The following CNTN5 variants were observed in gnomAD, a reference collection of about 807,000 sequenced individuals.
The protein encoded by CNTN5 is contactin 5.
In CNTN5, 77 loss-of-function variants were observed where a neutral mutation model predicts 129.1. That is an observed-to-expected ratio of 0.60 (90% CI 0.50 to 0.72). The LOEUF (loss-of-function observed/expected upper bound fraction) is 0.72, where lower values mean the gene tolerates loss of function less well. Ranked by LOEUF, CNTN5 falls within the 30% of genes least tolerant of loss-of-function variation. The pLI is 0.00. For missense variants in CNTN5, 1,478 were observed against 1,328.8 expected (o/e 1.11, Z -1.75); for synonymous variants, 509 against 465.6 (o/e 1.09, Z -1.20).
intron 15 of CNTN5, among the ~76,000 whole-genome samples, chr11:100,216,872 C>G (rs10501956): frequency 0.1 from 15,623 of 152,048 alleles, 1,061 homozygotes; most frequent in Non-Finnish European, 0.15. Flanking sequence ...CCTATAGGTT[C>G]AAGCAAAACA....
chr11:99,259,424 C>A (rs1862528594), intron 1 of CNTN5, among the ~76,000 whole-genome samples: 1 of 151,806 alleles, frequency 6.6e-6, no homozygotes, highest in Non-Finnish European at 1.5e-5. Context: ...ATACTAAATA[C>A]AATTTACTTG....
At chr11:99,452,860 T>A (rs372269616) in intron 2 of CNTN5, among the ~76,000 whole-genome samples, 146 of 152,318 alleles carry the variant, frequency 9.6e-4, no homozygotes, top group African/African-American at 3.3e-3. Flanking sequence ...TTATGCCAGG[T>A]AGCATAGCTA....
chr11:99,511,718 T>C (rs144005941), intron 2 of CNTN5, among the ~76,000 whole-genome samples: 9,884 of 151,952 alleles, frequency 0.065, 354 homozygotes, highest in African/African-American at 0.097. Flanking sequence ...TTTATGAATC[T>C]GGGTACTCCT....
chr11:99,991,620 C>T (rs1939103829), intron 8 of CNTN5, among the ~76,000 whole-genome samples: 1 of 152,140 alleles, frequency 6.6e-6, no homozygotes, highest in Admixed American at 6.6e-5. Flanking sequence ...TGACATGCAA[C>T]CAACACTGTT....
intron 3 of CNTN5, among the ~76,000 whole-genome samples, chr11:99,632,137 C>A (rs917100302): frequency 1.3e-5 from 2 of 151,474 alleles, no homozygotes; most frequent in Admixed American, 1.3e-4. Context: ...ATCTGAAATA[C>A]AAACTAAGAT....
intron 2 of CNTN5, among the ~76,000 whole-genome samples, chr11:99,428,772 G>A (rs1337762545): frequency 6.6e-6 from 1 of 151,808 alleles, no homozygotes; most frequent in African/African-American, 2.4e-5. Flanking sequence ...TAGAAAAACT[G>A]CAGTATTAGA....
chr11:99,609,811 C>G (rs570003244), intron 3 of CNTN5, among the ~76,000 whole-genome samples: 1 of 152,208 alleles, frequency 6.6e-6, no homozygotes, highest in East Asian at 1.9e-4. Context: ...AGTGCTCTGG[C>G]TCAACTGTTT....
intron 13 of CNTN5, among the ~76,000 whole-genome samples, chr11:100,139,588 G>A (rs1310626003): frequency 2.0e-5 from 3 of 152,178 alleles, no homozygotes; most frequent in Non-Finnish European, 4.4e-5. Flanking sequence ...TAATGGCCAG[G>A]TGTGGTGGCT....
intron 9 of CNTN5, among the ~76,000 whole-genome samples, chr11:100,019,327 G>A (rs1224897755): frequency 6.6e-6 from 1 of 151,850 alleles, no homozygotes; most frequent in Admixed American, 6.6e-5. Context: ...GTATGATACA[G>A]GTATGGATCA....
In CNTN5 at chr11:99,051,603, G is replaced by A. The variant is rs75416469; in HGVS notation, c.-210+30333G>A. On this transcript the variant is annotated intron_variant, in intron 1 of 24. Coordinates refer to ENST00000524871, the MANE Select transcript of CNTN5 (RefSeq NM_014361.4). ...GTATTGATTACCCACTGCGTTGAGA[G>A]CATTGTACTGTGTATTGTAAGGAAA... Among the ~76,000 whole-genome samples, 127 of 151,964 alleles carry A rather than the reference G, an allele frequency of 8.4e-4. 5 individuals are homozygous for A. In the East Asian group the frequency reaches 0.022, roughly 27 times the overall value.
At chr11:99,033,980 C>T (rs541925521) in intron 1 of CNTN5, among the ~76,000 whole-genome samples, 8 of 151,628 alleles carry the variant, frequency 5.3e-5, no homozygotes, top group African/African-American at 9.7e-5. Context: ...TAGCATGAAG[C>T]GTTGTTGAAT....
At chr11:100,086,831 C>A (rs1184164786) in intron 13 of CNTN5, among the ~76,000 whole-genome samples, 1 of 151,044 alleles carries the variant, frequency 6.6e-6, no homozygotes, top group African/African-American at 2.4e-5. Context: ...ATAAAATTTC[C>A]CCACTATCAG....
At chr11:99,219,486 A>G (rs918960725) in intron 1 of CNTN5, among the ~76,000 whole-genome samples, 1 of 151,800 alleles carries the variant, frequency 6.6e-6, no homozygotes, top group Non-Finnish European at 1.5e-5. Context: ...AGAACCATAC[A>G]GAGGCCTTAA....
chr11:99,591,003 A>C (rs1367916463), intron 3 of CNTN5, among the ~76,000 whole-genome samples: 2 of 152,228 alleles, frequency 1.3e-5, no homozygotes, highest in Non-Finnish European at 2.9e-5. Flanking sequence ...TTATAATGTA[A>C]ATTGTGAACC....
intron 13 of CNTN5, among the ~76,000 whole-genome samples, chr11:100,157,844 A>T (rs1227153760): frequency 7.1e-6 from 1 of 140,770 alleles, no homozygotes. Flanking sequence ...ATCTATATAG[A>T]TAAATAAAAA....
chr11:99,132,546 TTCAGTAAAGTC>T (rs1175125214), intron 1 of CNTN5, among the ~76,000 whole-genome samples: 6 of 152,152 alleles, frequency 3.9e-5, no homozygotes, highest in Non-Finnish European at 7.3e-5. Flanking sequence ...GATAAGCAAC[TTCAGTAAAGTC>T]TCAGGATACA....
intron 1 of CNTN5, among the ~76,000 whole-genome samples, chr11:99,303,031 C>A (rs1864713132): frequency 6.6e-6 from 1 of 151,578 alleles, no homozygotes; most frequent in Non-Finnish European, 1.5e-5. Context: ...GATTTCATAG[C>A]TCTTAGGAGA....
intron 17 of CNTN5, among the ~76,000 whole-genome samples, chr11:100,262,938 T>TA (rs924299163): frequency 7.4e-4 from 112 of 151,990 alleles, no homozygotes; most frequent in African/African-American, 1.9e-3. Flanking sequence ...TAAAGTATAA[T>TA]AAAAAAAAGA....
intron 17 of CNTN5, among the ~76,000 whole-genome samples, chr11:100,269,175 T>C (rs1278624093): frequency 6.6e-6 from 1 of 152,148 alleles, no homozygotes; most frequent in Non-Finnish European, 1.5e-5. Flanking sequence ...GATGATCAAC[T>C]GTGTCAAAGG....
Sources: gnomAD v4.1 joint callset for allele counts (sites outside exome capture counted in the v4.1 genomes callset) on GRCh38, gnomAD v4.1.1 for gene constraint, MANE v1.5 for transcripts, NCBI Gene and HGNC (gene_info 2026-07-23, HGNC 2026-07-21) for gene names.